The following LPGAT1 variants were observed in gnomAD, a reference collection of about 807,000 sequenced individuals.
LPGAT1 encodes acyl-CoA:lysophosphatidylglycerol acyltransferase 1.
A neutral mutation model predicts 47.5 loss-of-function variants in LPGAT1; 11 were observed. That is an observed-to-expected ratio of 0.23 (90% CI 0.15 to 0.38). The LOEUF (loss-of-function observed/expected upper bound fraction) is 0.38. Among genes scored for constraint, LPGAT1 ranks in the 10% least tolerant of loss-of-function variants. The pLI, the probability that LPGAT1 is intolerant of heterozygous loss-of-function variation, is 1.00. For missense variants in LPGAT1, 293 were observed against 439.0 expected, an observed-to-expected ratio of 0.67 and a Z score of 2.97; for synonymous variants, 138 against 144.2, an observed-to-expected ratio of 0.96 and a Z score of 0.31.
chr1:211,824,189 G>A (rs576534994), intron 2 of LPGAT1, among the ~76,000 whole-genome samples: 21 of 152,222 alleles, frequency 1.4e-4, no homozygotes, highest in African/African-American at 5.1e-4. Flanking sequence ...TTGAGGTCAG[G>A]AGTTCAAGAC....
At chr1:211,791,616 C>A (rs1450797092) in intron 3 of LPGAT1, among the ~76,000 whole-genome samples, 2 of 151,880 alleles carry the variant, frequency 1.3e-5, no homozygotes, top group Non-Finnish European at 2.9e-5. Flanking sequence ...GGCATGGTAC[C>A]CGTGCCCATA....
chr1:211,827,701 A>C (rs528572824), intron 2 of LPGAT1, among the ~76,000 whole-genome samples: 10 of 152,336 alleles, frequency 6.6e-5, no homozygotes, highest in African/African-American at 2.2e-4. Flanking sequence ...TCAGCACCAT[A>C]GATTAGAACT....
At chr1:211,803,760 C>CTTT (rs1659658044) in intron 2 of LPGAT1, among the ~76,000 whole-genome samples, 1 of 145,514 alleles carries the variant, frequency 6.9e-6, no homozygotes, top group Admixed American at 7.0e-5. Context: ...TTCAGTTTTT[C>CTTT]TTTCTTTTTT....
At chr1:211,793,272 A>G in intron 2 of LPGAT1, 82 bp from the exon 3 acceptor site, 1 of 827,860 alleles carries the variant, frequency 1.2e-6, no homozygotes, top group Non-Finnish European at 1.9e-6. Flanking sequence ...AAAATGATGT[A>G]TATTAATGAT....
At chr1:211,772,543 T>A (rs1658218512) in intron 6 of LPGAT1, among the ~76,000 whole-genome samples, 2 of 152,218 alleles carry the variant, frequency 1.3e-5, no homozygotes, top group Admixed American at 6.5e-5. Flanking sequence ...TGAGTCTTCC[T>A]CTCTGTGAAC....
chr1:211,826,778 C>A (rs540426162), intron 2 of LPGAT1, among the ~76,000 whole-genome samples: 1 of 152,050 alleles, frequency 6.6e-6, no homozygotes, highest in Non-Finnish European at 1.5e-5. Flanking sequence ...AAAGTTTTGG[C>A]AATTTTTATT....
intron 4 of LPGAT1, among the ~76,000 whole-genome samples, chr1:211,785,507 A>G (rs1658838304): frequency 6.6e-6 from 1 of 152,092 alleles, no homozygotes; most frequent in Non-Finnish European, 1.5e-5. Context: ...TATAATCTTT[A>G]TGTATGCAAA....
At chr1:211,781,189 T>A (rs536926620) in intron 5 of LPGAT1, among the ~76,000 whole-genome samples, 1 of 152,160 alleles carries the variant, frequency 6.6e-6, no homozygotes, top group African/African-American at 2.4e-5. Context: ...TCTAAACAGG[T>A]AGAATGAAAA....
At chr1:211,817,765 G>C (rs567299532) in intron 2 of LPGAT1, among the ~76,000 whole-genome samples, 4 of 151,976 alleles carry the variant, frequency 2.6e-5, no homozygotes, top group South Asian at 4.1e-4. Flanking sequence ...TCATTTTTTC[G>C]TTCCTATTAA....
chr1:211,778,266 C>T (rs371248860), intron 6 of LPGAT1, among the ~76,000 whole-genome samples: 236 of 147,794 alleles, frequency 1.6e-3, no homozygotes, highest in African/African-American at 3.0e-3. Flanking sequence ...GGCGTGAAGC[C>T]GGGAGGCGGA....
At chr1:211,807,055 A>G (rs1046828762) in intron 2 of LPGAT1, among the ~76,000 whole-genome samples, 13 of 152,192 alleles carry the variant, frequency 8.5e-5, no homozygotes, top group African/African-American at 3.1e-4. Context: ...CCTATTCCCA[A>G]TAAGTGAGTT....
intron 6 of LPGAT1, among the ~76,000 whole-genome samples, chr1:211,767,916 T>C (rs1362625843): frequency 6.6e-6 from 1 of 152,168 alleles, no homozygotes; most frequent in Non-Finnish European, 1.5e-5. Context: ...GACCTGAACA[T>C]ATATCATTAC....
chr1:211,798,729 G>A (rs1014638614), intron 2 of LPGAT1, among the ~76,000 whole-genome samples: 1 of 152,106 alleles, frequency 6.6e-6, no homozygotes, highest in Admixed American at 6.6e-5. Context: ...AAAAATTAGA[G>A]AGCCAAAATA....
At chr1:211,772,849 C>T (rs115992060) in intron 6 of LPGAT1, among the ~76,000 whole-genome samples, 4,648 of 152,164 alleles carry the variant, frequency 0.031, 95 homozygotes, top group South Asian at 0.11. Context: ...AAACTCATGA[C>T]TGTTTTGTTG....
At chr1:211,808,101 T>A (rs1443340866) in intron 2 of LPGAT1, among the ~76,000 whole-genome samples, 1 of 142,696 alleles carries the variant, frequency 7.0e-6, no homozygotes, top group Admixed American at 7.4e-5. Context: ...ATCCCAGCAC[T>A]TTGGGAGGCC....
rs951782947 is a variant in LPGAT1 at position 211,747,311 on chromosome 1, G to T, written c.*2588C>A. The T allele has an allele frequency of 6.6e-6, 1 of 152,126 alleles. No individual in the cohort carries two copies. The highest frequency in any genetic ancestry group is 6.5e-5 in the Admixed American group (1 of 15,278). 9.4% of individuals were successfully genotyped at this position (152,126 alleles called of 1,614,324 possible). On this transcript the variant is annotated 3_prime_UTR_variant, in exon 8 of 8. Transcript: ENST00000366997. ...AGAGAGAACATGTTAAAGAATCAAA[G>T]AAGGATAGGGCAGATCAAATACACA...
Position 211,755,173 on chromosome 1 carries a change from T to C in LPGAT1, c.855-4106A>G, listed in dbSNP as rs192131001. On this transcript the variant is annotated intron_variant, in intron 6 of 7. Coordinates refer to ENST00000366997, the MANE Select transcript of LPGAT1 (RefSeq NM_014873.3). ...TAACACGGTGAAACCCCGTCTCTACTAAAAATACAAAAAAATTAGCCAGGT... is the reference window on the plus strand; with the variant it reads ...TAACACGGTGAAACCCCGTCTCTACCAAAAATACAAAAAAATTAGCCAGGT... Among the ~76,000 whole-genome samples the C allele has an allele frequency of 8.9e-4, 135 of 151,108 alleles. 1 individual carries two copies. The Middle Eastern group carries it at 0.014, about 15-fold the overall frequency.
At chr1:211,770,507 G>A (rs951487131) in intron 6 of LPGAT1, among the ~76,000 whole-genome samples, 3 of 152,244 alleles carry the variant, frequency 2.0e-5, no homozygotes, top group African/African-American at 7.2e-5. Flanking sequence ...ACATAGTCAT[G>A]TGCCACATGA....
chr1:211,757,752 G>T (rs1657526011), intron 6 of LPGAT1, among the ~76,000 whole-genome samples: 1 of 152,186 alleles, frequency 6.6e-6, no homozygotes, highest in Admixed American at 6.5e-5. Context: ...CAAATGAAGA[G>T]TCTCTGCCTA....
Sources: allele counts gnomAD v4.1 joint callset (sites outside exome capture counted in the v4.1 genomes callset), GRCh38; gene constraint gnomAD v4.1.1; transcripts MANE v1.5; gene names NCBI Gene and HGNC (gene_info 2026-07-23, HGNC 2026-07-21).